Variants in ATP6V1B1 observed in about 807,000 individuals in gnomAD.
ATP6V1B1 encodes the protein V-type proton ATPase subunit B, kidney isoform.
Under a neutral mutation model 62.1 loss-of-function variants are expected in ATP6V1B1, and 41 were observed. That is an observed-to-expected ratio of 0.66 (90% CI 0.51 to 0.86). ATP6V1B1 has a LOEUF of 0.86. Among genes scored for constraint, ATP6V1B1 ranks in the 40% least tolerant of loss-of-function variants. The pLI is 0.00. For missense variants in ATP6V1B1, 651 were observed against 697.5 expected, an observed-to-expected ratio of 0.93 and a Z score of 0.75; for synonymous variants, 253 against 273.4, an observed-to-expected ratio of 0.93 and a Z score of 0.74.
intron 2 of ATP6V1B1, among the ~76,000 whole-genome samples, chr2:70,950,932 ATT>A (rs55871344): frequency 1.2e-3 from 78 of 64,608 alleles, no homozygotes; most frequent in African/African-American, 4.8e-3. Context: ...TTTTTTCCTG[ATT>A]TTTTTTTTTT....
At chr2:70,941,504 C>A in intron 1 of ATP6V1B1, 1 of 958,482 alleles carries the variant, frequency 1.0e-6, no homozygotes. Flanking sequence ...ATGCTTCCTC[C>A]AAGCGCACCC....
chr2:70,955,091 G>A (rs541850633), intron 2 of ATP6V1B1, among the ~76,000 whole-genome samples: 2 of 152,294 alleles, frequency 1.3e-5, no homozygotes, highest in African/African-American at 4.8e-5. Flanking sequence ...ATTCCCCGGG[G>A]CAAAGCTCTA....
intron 1 of ATP6V1B1, among the ~76,000 whole-genome samples, chr2:70,942,593 A>G (rs1680031158): frequency 6.6e-6 from 1 of 152,218 alleles, no homozygotes; most frequent in Non-Finnish European, 1.5e-5. Flanking sequence ...AGTGTGGTCC[A>G]GCAAGAAGCA....
intron 1 of ATP6V1B1, chr2:70,939,579 A>G (rs1444702987): frequency 6.6e-6 from 1 of 152,264 alleles, no homozygotes; most frequent in Non-Finnish European, 1.5e-5. Flanking sequence ...GCGGCAGTGT[A>G]CAAACAAAAG....
chr2:70,962,037 G>T (rs1258326863), intron 8 of ATP6V1B1, among the ~76,000 whole-genome samples: 1 of 97,704 alleles, frequency 1.0e-5, no homozygotes, highest in Non-Finnish European at 2.3e-5. Flanking sequence ...TAGAAAATGG[G>T]AGTTTAAATC....
chr2:70,964,707 C>T, intron 12 of ATP6V1B1, 29 bp from the exon 13 acceptor site: 4 of 1,612,862 alleles, frequency 2.5e-6, no homozygotes, highest in Middle Eastern at 1.7e-4. Flanking sequence ...AAGCCCGCAG[C>T]GGCCACCGAC....
intron 2 of ATP6V1B1, among the ~76,000 whole-genome samples, chr2:70,954,870 A>G (rs576640399): frequency 2.6e-5 from 4 of 152,280 alleles, no homozygotes; most frequent in African/African-American, 9.6e-5. Flanking sequence ...TAGGGGATGC[A>G]ATGCGTTTGC....
chr2:70,965,232 C>A lies in ATP6V1B1; in HGVS notation c.*111C>A. 1 of 1,494,442 alleles carries A rather than the reference C, an allele frequency of 6.7e-7. No homozygotes were observed. The highest frequency in any genetic ancestry group is 9.1e-7 in the Non-Finnish European group (1 of 1,102,682). 92.6% of individuals were successfully genotyped at this position (1,494,442 alleles called of 1,614,324 possible). A position where few individuals can be genotyped will look rare whatever the true frequency, so the allele number is the denominator to read the frequency against. On this transcript the variant is annotated 3_prime_UTR_variant, in exon 14 of 14. Coordinates refer to ENST00000234396, the MANE Select transcript of ATP6V1B1 (RefSeq NM_001692.4). ...CTTCTGCGCCGCCCTCCGCCCTCCG[C>A]TGGCTCCGAGGTGGTGGGGGCGCCG...
At chr2:70,949,218 GGACT>G (rs1279688331) in intron 2 of ATP6V1B1, among the ~76,000 whole-genome samples, 5 of 152,118 alleles carry the variant, frequency 3.3e-5, no homozygotes, top group African/African-American at 1.2e-4. Flanking sequence ...GAGAGCCAAG[GGACT>G]GACAGTGGAT....
At chr2:70,940,276 G>A (rs1679960197) in intron 1 of ATP6V1B1, 1 of 713,724 alleles carries the variant, frequency 1.4e-6, no homozygotes, top group Non-Finnish European at 1.7e-6. Flanking sequence ...CTTGTCTCCT[G>A]AGGCAGTGGA....
rs138513042 is a variant in ATP6V1B1 at position 70,960,115 on chromosome 2, G to A, written c.585+37G>A. 7.8e-4 allele frequency: 1,259 copies of A among 1,612,880 alleles called. 1 individual carries two copies. Among genetic ancestry groups the A allele is most frequent in the Middle Eastern group, 3.6e-3 (22 of 6,050 alleles). ...AGGGCCAGCAGGCATGGCTGGGGGA[G>A]GGACAGAGCAGAGGCTGGGGCTGCT... On this transcript the variant is annotated intron_variant, in intron 6 of 13. Coordinates refer to ENST00000234396, the MANE Select transcript of ATP6V1B1 (RefSeq NM_001692.4).
At chr2:70,964,360 CT>C in intron 11 of ATP6V1B1, 77 bp from the exon 12 acceptor site, 2 of 1,449,122 alleles carry the variant, frequency 1.4e-6, no homozygotes, top group Non-Finnish European at 1.9e-6. Context: ...TGAGGAGCTT[CT>C]CCTGAGAACA....
chr2:70,963,681 T>C lies in ATP6V1B1; in HGVS notation c.1143+27T>C, dbSNP rs370973923. On this transcript the variant is annotated intron_variant, in intron 11 of 13. Coordinates refer to ENST00000234396, the MANE Select transcript of ATP6V1B1 (RefSeq NM_001692.4). The surrounding 1 kb of genome is among the most constrained non-coding windows in gnomAD (Gnocchi z 4.3). ...TACTGCCCTGTCCCTACCCACTTCCTGCTCTCAGCCCAGAGAAACACTGAG... is the reference window on the plus strand; with the variant it reads ...TACTGCCCTGTCCCTACCCACTTCCCGCTCTCAGCCCAGAGAAACACTGAG... 18 of 1,602,352 alleles carry C rather than the reference T, an allele frequency of 1.1e-5. No individual in the cohort carries two copies. Among genetic ancestry groups the C allele is most frequent in the Non-Finnish European group, 1.5e-5 (18 of 1,169,374 alleles).
At chr2:70,940,589 G>C in intron 1 of ATP6V1B1, 1 of 985,394 alleles carries the variant, frequency 1.0e-6, no homozygotes, top group Non-Finnish European at 1.2e-6. Flanking sequence ...TTAATTGATG[G>C]GAAGGGTAAT....
At chr2:70,958,184 G>T (rs782790336) in intron 3 of ATP6V1B1, 40 bp downstream of exon 3, 6 of 1,604,302 alleles carry the variant, frequency 3.7e-6, no homozygotes, top group Non-Finnish European at 5.1e-6. Context: ...TTAAATCAAT[G>T]AATTAACCCA....
rs782446537 is a variant in ATP6V1B1, at chr2:70,960,004, A to G, written c.511A>G (p.Ile171Val). 257 of 1,614,006 alleles carry G rather than the reference A, an allele frequency of 1.6e-4. No homozygotes were observed. Among genetic ancestry groups the G allele is most frequent in the Non-Finnish European group, 2.1e-4 (250 of 1,180,032 alleles). ...GATGATTCAGACGGGCATTTCTCCTATTGACGTCATGAACAGCATTGCCCG... is the reference window on the plus strand; with the variant it reads ...GATGATTCAGACGGGCATTTCTCCTGTTGACGTCATGAACAGCATTGCCCG... The part of the protein sequence containing the change: ...EEMIQTGISP[I>V]DVMNSIARGQ... Residue 171 changes from isoleucine to valine, a missense_variant, in exon 6 of 14, where the codon ATT becomes GTT. By Grantham distance (29) the Ile-to-Val change is conservative. Coordinates refer to ENST00000234396, the MANE Select transcript of ATP6V1B1 (RefSeq NM_001692.4).
In ATP6V1B1 at chr2:70,938,107, G is replaced by A. The variant is rs76679261; in HGVS notation, c.118+2035G>A. Among the ~76,000 whole-genome samples, 464 of 152,242 alleles carry A rather than the reference G, an allele frequency of 3.0e-3. 7 individuals are homozygous for A. Among genetic ancestry groups the A allele is most frequent in the Admixed American group, 0.026 (399 of 15,300 alleles). On this transcript the variant is annotated intron_variant, in intron 1 of 13. Coordinates refer to ENST00000234396, the MANE Select transcript of ATP6V1B1 (RefSeq NM_001692.4). ...TTGCTGCCTATCAAGTATCCTCACAGGATGCACCGGGCCAGCCTCAGCCCA... is the reference window on the plus strand; with the variant it reads ...TTGCTGCCTATCAAGTATCCTCACAAGATGCACCGGGCCAGCCTCAGCCCA...
Position 70,963,597 on chromosome 2 carries a change from G to C in ATP6V1B1, c.1086G>C (p.Leu362Phe), listed in dbSNP as rs782282379. 2 of 1,614,148 alleles carry C rather than the reference G, an allele frequency of 1.2e-6. No homozygotes were observed. Among genetic ancestry groups the C allele is most frequent in the Admixed American group, 1.7e-5 (1 of 60,020 alleles). Residue 362 changes from leucine to phenylalanine, a missense_variant, in exon 11 of 14, where the codon TTG becomes TTC. By Grantham distance (22) the Leu-to-Phe change is conservative. Transcript: ENST00000234396. The surrounding 1 kb of genome is among the most constrained non-coding windows in gnomAD (Gnocchi z 4.3). ...NDDITHPIPD[L>F]TGFITEGQIY... is the part of the protein sequence containing the mutation. ...ATATCACCCACCCTATCCCAGACTT[G>C]ACGGGCTTCATCACAGAGGGACAGA...
chr2:70,950,315 T>G lies in ATP6V1B1; in HGVS notation c.174+6602T>G, dbSNP rs113080719. Among the ~76,000 whole-genome samples the G allele has an allele frequency of 2.3e-3, 348 of 152,296 alleles. 1 individual carries two copies. Among genetic ancestry groups the G allele is most frequent in the African/African-American group, 8.1e-3 (337 of 41,580 alleles). ...TAACTACTTTGGCTATTCTCAGACATTTATGTGAACTTTAAAATAATTTTA... is the reference window on the plus strand; with the variant it reads ...TAACTACTTTGGCTATTCTCAGACAGTTATGTGAACTTTAAAATAATTTTA... On this transcript the variant is annotated intron_variant, in intron 2 of 13. Coordinates refer to ENST00000234396, the MANE Select transcript of ATP6V1B1 (RefSeq NM_001692.4).
Sources: gnomAD v4.1 joint callset for allele counts (sites outside exome capture counted in the v4.1 genomes callset) on GRCh38, gnomAD v4.1.1 for gene constraint, Gnocchi (gnomAD v3.1) non-coding constraint, MANE v1.5 for transcripts, NCBI Gene and HGNC (gene_info 2026-07-23, HGNC 2026-07-21) for gene names.